FHIT: variants seen among roughly 807,000 people sequenced by gnomAD.
FHIT encodes fragile histidine triad diadenosine triphosphatase.
A neutral mutation model predicts 17.9 loss-of-function variants in FHIT; 19 were observed. That is an observed-to-expected ratio of 1.06 (90% CI 0.74 to 1.56). FHIT has a LOEUF of 1.56. FHIT is among the 40% of genes most tolerant of loss of function. FHIT has a pLI of 0.00. For synonymous variants in FHIT, 81 were observed against 69.7 expected (o/e 1.16, Z -0.81); for missense variants, 248 against 189.2 (o/e 1.31, Z -1.82).
chr3:60,583,998 G>A (rs182822037), intron 4 of FHIT, among the ~76,000 whole-genome samples: 1 of 152,056 alleles, frequency 6.6e-6, no homozygotes, highest in African/African-American at 2.4e-5. Context: ...GGTCACAGAG[G>A]GCTGTCATTT....
chr3:60,773,873 A>G (rs58598247), intron 4 of FHIT, among the ~76,000 whole-genome samples: 1 of 152,244 alleles, frequency 6.6e-6, no homozygotes, highest in African/African-American at 2.4e-5. Flanking sequence ...ATAAAGCTGG[A>G]CCATCATTTT....
At chr3:60,469,001 C>T (rs1418604177) in intron 5 of FHIT, among the ~76,000 whole-genome samples, 2 of 152,082 alleles carry the variant, frequency 1.3e-5, no homozygotes, top group African/African-American at 4.8e-5. Context: ...ATCACTCTCT[C>T]CTGGCTTGTA....
intron 2 of FHIT, among the ~76,000 whole-genome samples, chr3:61,100,233 C>G (rs752271474): frequency 6.6e-6 from 1 of 152,068 alleles, no homozygotes; most frequent in Admixed American, 6.6e-5. Context: ...CCGACAGGAC[C>G]CAGTGTGTGA....
At chr3:60,419,375 AC>A (rs1271385445) in intron 5 of FHIT, among the ~76,000 whole-genome samples, 31 of 152,270 alleles carry the variant, frequency 2.0e-4, no homozygotes, top group Admixed American at 2.0e-3. Flanking sequence ...CTTAGTCATT[AC>A]ATTTTCTAAT....
chr3:61,204,399 C>T (rs2039137870), intron 1 of FHIT, among the ~76,000 whole-genome samples: 1 of 152,028 alleles, frequency 6.6e-6, no homozygotes, highest in Non-Finnish European at 1.5e-5. Context: ...TGCATGTAGG[C>T]TCTATTTCCG....
chr3:59,917,149 T>G (rs994779709), intron 8 of FHIT, among the ~76,000 whole-genome samples: 6 of 152,260 alleles, frequency 3.9e-5, no homozygotes, highest in African/African-American at 1.4e-4. Flanking sequence ...AAGTTGATTT[T>G]GCTCATGAAT....
intron 5 of FHIT, among the ~76,000 whole-genome samples, chr3:60,088,997 C>G (rs931070967): frequency 8.5e-5 from 13 of 152,144 alleles, no homozygotes; most frequent in African/African-American, 3.1e-4. Flanking sequence ...AAAATCTAGC[C>G]CTTGATGTTA....
chr3:61,178,540 A>G (rs2038226713), intron 2 of FHIT, among the ~76,000 whole-genome samples: 1 of 63,980 alleles, frequency 1.6e-5, no homozygotes, highest in Admixed American at 2.1e-4. Context: ...GTGACACTGA[A>G]GAAAAAAACG....
At chr3:59,993,415 A>G (rs758766328) in intron 7 of FHIT, among the ~76,000 whole-genome samples, 6 of 152,062 alleles carry the variant, frequency 3.9e-5, no homozygotes, top group Non-Finnish European at 8.8e-5. Flanking sequence ...GTACTCTAAA[A>G]TAACACCAAT....
chr3:61,212,328 C>T (rs1452251690), intron 1 of FHIT, among the ~76,000 whole-genome samples: 23 of 152,106 alleles, frequency 1.5e-4, no homozygotes, highest in Non-Finnish European at 2.5e-4. Flanking sequence ...GAGCTGAAAG[C>T]CAAGGCACGA....
Position 60,835,785 on chromosome 3 carries a change from TTTG to T in FHIT, c.-110-13777_-110-13775del, listed in dbSNP as rs527617619. Among the ~76,000 whole-genome samples the T allele has an allele frequency of 6.8e-4, 104 of 152,132 alleles. 1 individual carries two copies. Among genetic ancestry groups the T allele is most frequent in the Non-Finnish European group, 1.3e-3 (88 of 67,968 alleles). ...GGCATACACCACCAGGCCTGGTTCA[TTTG>T]TTGTTGTTGAGGAGAGATGAGGTCT... On this transcript the variant is annotated intron_variant, in intron 3 of 9. Transcript: ENST00000492590.
chr3:59,758,817 T>C (rs978293656), intron 8 of FHIT, among the ~76,000 whole-genome samples: 8 of 151,982 alleles, frequency 5.3e-5, no homozygotes, highest in African/African-American at 1.7e-4. Flanking sequence ...GCTTGAGAAA[T>C]GGCCCCTGGG....
At chr3:60,923,282 T>G (rs998271074) in intron 3 of FHIT, among the ~76,000 whole-genome samples, 4 of 152,232 alleles carry the variant, frequency 2.6e-5, no homozygotes, top group Non-Finnish European at 5.9e-5. Context: ...TCAAATGTTG[T>G]GTGTGTTTCA....
At chr3:59,925,311 G>T (rs1278274488) in intron 7 of FHIT, among the ~76,000 whole-genome samples, 1 of 151,964 alleles carries the variant, frequency 6.6e-6, no homozygotes, top group Admixed American at 6.6e-5. Context: ...TCACTATGTT[G>T]CCCAGTCTGG....
At chr3:60,713,752 A>G (rs1274338980) in intron 4 of FHIT, among the ~76,000 whole-genome samples, 1 of 152,202 alleles carries the variant, frequency 6.6e-6, no homozygotes, top group Non-Finnish European at 1.5e-5. Flanking sequence ...GAATCTCTGA[A>G]TAGACCAATA....
intron 7 of FHIT, among the ~76,000 whole-genome samples, chr3:59,984,401 G>C (rs544575822): frequency 1.1e-4 from 16 of 151,866 alleles, no homozygotes; most frequent in South Asian, 1.0e-3. Context: ...CACTGGGGGG[G>C]GCTCTGGAAG....
chr3:59,951,090 TATTA>T (rs1707092558), intron 7 of FHIT, among the ~76,000 whole-genome samples: 1 of 152,166 alleles, frequency 6.6e-6, no homozygotes, highest in Non-Finnish European at 1.5e-5. Context: ...ATAACCTAAG[TATTA>T]ATTACCTATG....
At chr3:60,661,251 G>A (rs551005361) in intron 4 of FHIT, among the ~76,000 whole-genome samples, 2 of 152,068 alleles carry the variant, frequency 1.3e-5, no homozygotes, top group East Asian at 1.9e-4. Flanking sequence ...TCATTCTTAT[G>A]CCTTTGCATC....
intron 3 of FHIT, among the ~76,000 whole-genome samples, chr3:61,015,080 T>A (rs997595935): frequency 5.9e-5 from 9 of 151,918 alleles, no homozygotes; most frequent in African/African-American, 1.2e-4. Context: ...GGGGCCTGAC[T>A]TGGTGGTCAG....
Sources: allele counts gnomAD v4.1 joint callset (sites outside exome capture counted in the v4.1 genomes callset), GRCh38; gene constraint gnomAD v4.1.1; transcripts MANE v1.5; gene names NCBI Gene and HGNC (gene_info 2026-07-23, HGNC 2026-07-21).